MYO18B: variants seen among roughly 807,000 people sequenced by gnomAD.
MYO18B encodes myosin XVIIIB, also known as unconventional myosin-XVIIIb.
In MYO18B, 204 loss-of-function variants were observed where a neutral mutation model predicts 273.0. That is an observed-to-expected ratio of 0.75 (90% confidence interval 0.67 to 0.84). The LOEUF (loss-of-function observed/expected upper bound fraction) is 0.84, where lower values mean the gene tolerates loss of function less well. MYO18B is among the 40% of genes least tolerant of loss of function. The pLI is 0.00. For synonymous variants in MYO18B, 1,330 were observed against 1,305.7 expected, an observed-to-expected ratio of 1.02 and a Z score of -0.40; for missense variants, 3,212 against 3,287.6, an observed-to-expected ratio of 0.98 and a Z score of 0.56.
chr22:25,955,374 G>A lies in MYO18B; in HGVS notation c.6156+10G>A, dbSNP rs1382751686. 1.2e-6 allele frequency: 2 copies of A among 1,603,840 alleles called. No homozygotes were observed. The highest frequency in any genetic ancestry group is 4.5e-5 in the East Asian group (2 of 44,680). ...GCGGTGCATGGAGCTGGTGAGTCCT[G>A]TCCCCATCATGGGCTCTTAGCGACT... On this transcript the variant is annotated intron_variant, in intron 39 of 43. Coordinates refer to ENST00000335473, the MANE Select transcript of MYO18B (RefSeq NM_032608.7).
downstream of MYO18B, among the ~76,000 whole-genome samples, chr22:26,035,941 T>G (rs1936769690): frequency 6.6e-6 from 1 of 152,178 alleles, no homozygotes; most frequent in Admixed American, 6.5e-5. Context: ...GTTTCTCAAG[T>G]TTCAGAGGCC....
chr22:25,889,693 C>T (rs2091605306), intron 25 of MYO18B, among the ~76,000 whole-genome samples: 1 of 151,936 alleles, frequency 6.6e-6, no homozygotes, highest in Admixed American at 6.6e-5. Context: ...GTTACGTACT[C>T]TGCCATATCC....
intron 42 of MYO18B, among the ~76,000 whole-genome samples, chr22:26,015,361 CACA>C (rs1201571523): frequency 3.3e-5 from 5 of 152,092 alleles, no homozygotes; most frequent in Admixed American, 6.6e-5. Context: ...TATGGTTCAT[CACA>C]ACACCATTCA....
Position 25,776,952 on chromosome 22 carries a change from T to G in MYO18B, c.1870-631T>G, listed in dbSNP as rs190411736. Among the ~76,000 whole-genome samples the G allele has an allele frequency of 1.4e-3, 214 of 149,920 alleles. 1 individual carries two copies. The highest frequency in any genetic ancestry group is 5.0e-3 in the African/African-American group (198 of 39,284). ...AAACTTGGTAGTGACTGTTAAATGTTTTTTTCAGCCATTGTAATAGGCATT... is the reference window on the plus strand; with the variant it reads ...AAACTTGGTAGTGACTGTTAAATGTGTTTTTCAGCCATTGTAATAGGCATT... On this transcript the variant is annotated intron_variant, in intron 7 of 43. Coordinates refer to ENST00000335473, the MANE Select transcript of MYO18B (RefSeq NM_032608.7).
At chr22:25,949,843 G>T (rs9613050) in intron 36 of MYO18B, among the ~76,000 whole-genome samples, 23,321 of 152,110 alleles carry the variant, frequency 0.15, 1,844 homozygotes, top group East Asian at 0.24. Flanking sequence ...CTCTTCAGAG[G>T]TAATGAAGCT....
At chr22:26,043,311 A>C in the MYO18B span, among the ~76,000 whole-genome samples, 1 of 152,026 alleles carries the variant, frequency 6.6e-6, no homozygotes. Context: ...CCTGTAGATG[A>C]ATATTTAGAC....
At chr22:25,980,416 C>A (rs2093137061) in intron 39 of MYO18B, among the ~76,000 whole-genome samples, 1 of 152,114 alleles carries the variant, frequency 6.6e-6, no homozygotes, top group South Asian at 2.1e-4. Context: ...AGCAGCAAGC[C>A]CTTCTGCCTG....
At chr22:25,757,372 C>T (rs1025573691) in intron 1 of MYO18B, among the ~76,000 whole-genome samples, 4 of 152,006 alleles carry the variant, frequency 2.6e-5, no homozygotes, top group African/African-American at 4.8e-5. Flanking sequence ...AGCCGAGGGT[C>T]GGATCACAAG....
intron 3 of MYO18B, among the ~76,000 whole-genome samples, chr22:25,767,269 G>A (rs2086538277): frequency 6.6e-6 from 1 of 152,240 alleles, no homozygotes; most frequent in African/African-American, 2.4e-5. Flanking sequence ...GGCCTGGGAA[G>A]GGAGCAGGCA....
intron 43 of MYO18B, among the ~76,000 whole-genome samples, chr22:26,030,075 G>A (rs1936581054): frequency 6.6e-6 from 1 of 152,118 alleles, no homozygotes; most frequent in South Asian, 2.1e-4. Flanking sequence ...CTATCAAAAT[G>A]TACCCATCTT....
chr22:25,823,357 C>T (rs2089355745), intron 12 of MYO18B, 148 bp from the exon 13 acceptor site: 1 of 794,382 alleles, frequency 1.3e-6, no homozygotes, highest in African/African-American at 1.8e-5. Context: ...GCCTAGGGGC[C>T]CAGGCCTGGG....
intron 1 of MYO18B, among the ~76,000 whole-genome samples, chr22:25,752,210 C>G (rs1259131077): frequency 7.0e-6 from 1 of 143,408 alleles, no homozygotes. Flanking sequence ...TTTTTTGAGA[C>G]GGAGTCTCGC....
intron 1 of MYO18B, among the ~76,000 whole-genome samples, chr22:25,752,103 T>C (rs535106229): frequency 1.3e-5 from 2 of 150,606 alleles, no homozygotes; most frequent in South Asian, 4.3e-4. Flanking sequence ...GACTTGCTGC[T>C]CTGTCCCTTC....
chr22:25,768,318 T>C lies in MYO18B; in HGVS notation c.402T>C (p.Ser134=). The stretch of plus-strand genomic sequence containing the variant: ...AGAAGGCCCAGGAGCTGGGCTCCAG[T>C]GCGACACCAACCAAAAAGACTGTCC... ...NGEKAQELGS[S]ATPTKKTVPF... Residue 134 remains serine, a synonymous_variant, in exon 4 of 44, where the codon AGT becomes AGC. Transcript: ENST00000335473. The C allele has an allele frequency of 1.2e-6, 2 of 1,613,768 alleles. No individual in the cohort carries two copies. The highest frequency in any genetic ancestry group is 1.7e-6 in the Non-Finnish European group (2 of 1,179,782).
intron 23 of MYO18B, among the ~76,000 whole-genome samples, chr22:25,875,090 T>C (rs548614590): frequency 5.9e-4 from 90 of 152,340 alleles, no homozygotes; most frequent in African/African-American, 2.0e-3. Flanking sequence ...CTCAAGTATA[T>C]GTACTTGGCA....
At chr22:25,934,729 G>A (rs1441964449) in intron 34 of MYO18B, among the ~76,000 whole-genome samples, 3 of 152,286 alleles carry the variant, frequency 2.0e-5, no homozygotes, top group African/African-American at 7.2e-5. Flanking sequence ...GCATTCTTTT[G>A]AGTTTCTGAT....
chr22:25,874,658 G>T (rs770632211), intron 23 of MYO18B, among the ~76,000 whole-genome samples: 5 of 152,216 alleles, frequency 3.3e-5, no homozygotes, highest in Non-Finnish European at 7.3e-5. Flanking sequence ...GCTGATTCAT[G>T]ACTTCAACCT....
Position 25,769,433 on chromosome 22 carries a change from G to T in MYO18B, c.1512+5G>T. On this transcript the variant is annotated splice_donor_5th_base_variant and intron_variant, in intron 4 of 43. Transcript: ENST00000335473. ...CAGAGCAGAGACTCAGACCAGGTGA[G>T]GGGGCTGCGGCCCTGGGAGCGGGAA... The T allele has an allele frequency of 6.6e-7, 1 of 1,515,402 alleles. No homozygotes were observed. 93.9% of individuals were successfully genotyped at this position (1,515,402 alleles called of 1,614,324 possible). A position where few individuals can be genotyped will look rare whatever the true frequency, so the allele number is the denominator to read the frequency against.
chr22:25,834,047 G>A (rs1294399039), intron 16 of MYO18B, among the ~76,000 whole-genome samples: 2 of 152,184 alleles, frequency 1.3e-5, no homozygotes, highest in African/African-American at 4.8e-5. Flanking sequence ...CCTCTCCTAG[G>A]AAAGGGTGGG....
Sources: allele counts gnomAD v4.1 joint callset (sites outside exome capture counted in the v4.1 genomes callset), GRCh38; gene constraint gnomAD v4.1.1; transcripts MANE v1.5; gene names NCBI Gene and HGNC (gene_info 2026-07-23, HGNC 2026-07-21).